The following PIGG variants were observed in gnomAD, a reference collection of about 807,000 sequenced individuals.
The protein encoded by PIGG is phosphatidylinositol glycan anchor biosynthesis class G (EMM blood group).
A neutral mutation model predicts 83.2 loss-of-function variants in PIGG; 70 were observed. That is an observed-to-expected ratio of 0.84 (90% CI 0.69 to 1.03). The LOEUF is 1.03. Ranked by LOEUF, PIGG falls within the 50% of genes least tolerant of loss-of-function variation. The pLI, the probability that PIGG is intolerant of heterozygous loss-of-function variation, is 0.00. For missense variants in PIGG, 1,257 were observed against 1,233.6 expected (o/e 1.02, Z -0.28); for synonymous variants, 532 against 519.5 (o/e 1.02, Z -0.33).
intron 6 of PIGG, among the ~76,000 whole-genome samples, chr4:518,675 G>A (rs951524092): frequency 2.2e-4 from 34 of 152,274 alleles, no homozygotes; most frequent in Non-Finnish European, 2.8e-4. Flanking sequence ...AGTGGCTGGG[G>A]GAAGATGGGA....
At chr4:502,251 G>A (rs1323480591) in intron 2 of PIGG, 2 of 152,168 alleles carry the variant, frequency 1.3e-5, no homozygotes, top group Admixed American at 1.3e-4. Context: ...CCTTTGCTGG[G>A]GAGCCTCACC....
intron 1 of PIGG, chr4:500,130 C>G: frequency 2.3e-6 from 1 of 442,744 alleles, no homozygotes; most frequent in Non-Finnish European, 4.1e-6. Context: ...AGGACCCTTA[C>G]GTAGGGATTC....
At chr4:527,903 T>C in intron 10 of PIGG, 1 of 985,370 alleles carries the variant, frequency 1.0e-6, no homozygotes, top group Non-Finnish European at 1.2e-6. Flanking sequence ...TAAATTTAAA[T>C]AGCTGTTTCC....
Position 527,504 on chromosome 4 carries a change from TTAAAA to T in PIGG, c.2261+280_2261+284del. 6 of 1,222,788 alleles carry T rather than the reference TTAAAA, an allele frequency of 4.9e-6. No individual in the cohort carries two copies. In the South Asian group the frequency reaches 1.4e-4, roughly 29 times the overall value. 75.7% of individuals were successfully genotyped at this position (1,222,788 alleles called of 1,614,324 possible). ...CACTTGGAAGTAAGATTTTTTAAATTTAAAATAAAACCTTCAGGGTGTGTGATGGG... is the reference window on the plus strand; with the variant it reads ...CACTTGGAAGTAAGATTTTTTAAATTTAAAACCTTCAGGGTGTGTGATGGG... On this transcript the variant is annotated intron_variant, in intron 10 of 12. Coordinates refer to ENST00000453061, the MANE Select transcript of PIGG (RefSeq NM_001127178.3).
chr4:508,690 T>C lies in PIGG; in HGVS notation c.760-139T>C, dbSNP rs1025214773. ...GTGACCCTGTGATCTGGCTATGAGC[T>C]CATAGGAAAAAAAAATCTAATTCAT... On this transcript the variant is annotated intron_variant, in intron 4 of 12. Coordinates refer to ENST00000453061, the MANE Select transcript of PIGG (RefSeq NM_001127178.3). 1.1e-5 allele frequency: 8 copies of C among 710,140 alleles called. No individual in the cohort carries two copies. In the East Asian group the frequency reaches 2.0e-4, roughly 18 times the overall value. 44.0% of individuals were successfully genotyped at this position (710,140 alleles called of 1,614,324 possible).
chr4:521,575 G>T, intron 7 of PIGG, 85 bp from the exon 8 acceptor site: 1 of 1,296,702 alleles, frequency 7.7e-7, no homozygotes, highest in South Asian at 1.4e-5. Context: ...GTGGACAGCT[G>T]ACACGAGAGC....
chr4:500,578 A>G lies in PIGG; in HGVS notation c.337A>G (p.Thr113Ala), dbSNP rs782263436. ...HSFVAEAKPP[T>A]VTMPRIKALM... Reference sequence around the variant, plus strand: ...TTTTGTGGCTGAAGCAAAGCCACCTACAGTTACTATGCCTCGAATCAAGGT... The same window carrying G: ...TTTTGTGGCTGAAGCAAAGCCACCTGCAGTTACTATGCCTCGAATCAAGGT... Residue 113 changes from threonine (T) to alanine (A), a missense_variant, in exon 2 of 13, where the codon ACA becomes GCA. Coordinates refer to ENST00000453061, the MANE Select transcript of PIGG (RefSeq NM_001127178.3). The G allele has an allele frequency of 6.2e-6, 10 of 1,609,036 alleles. No individual in the cohort carries two copies. Among genetic ancestry groups the G allele is most frequent in the South Asian group, 4.4e-5 (4 of 90,958 alleles).
Position 539,172 on chromosome 4 carries a change from G to T in PIGG, c.2755G>T (p.Ala919Ser), listed in dbSNP as rs1156493449. 5.0e-6 allele frequency: 8 copies of T among 1,611,790 alleles called. No homozygotes were observed. Among genetic ancestry groups the T allele is most frequent in the Non-Finnish European group, 6.8e-6 (8 of 1,178,304 alleles). ...ETRSGSALSH[A>S]CFCYALICSI... The stretch of plus-strand genomic sequence containing the variant: ...TAACAGTGGTTCAGCACTGAGTCAT[G>T]CTTGCTTCTGCTACGCACTGATTTG... The change falls in exon 13 of 13, where the codon GCT becomes TCT. Residue 919 changes from alanine (A) to serine (S), a missense_variant. By Grantham distance (99) the Ala-to-Ser change is moderately conservative. Coordinates refer to ENST00000453061, the MANE Select transcript of PIGG (RefSeq NM_001127178.3).
At chr4:509,470 A>T (rs1273947983) in intron 5 of PIGG, among the ~76,000 whole-genome samples, 12 of 151,968 alleles carry the variant, frequency 7.9e-5, no homozygotes, top group Non-Finnish European at 1.5e-5. Flanking sequence ...CAGCCTATGC[A>T]CTCTGCCCTC....
intron 10 of PIGG, among the ~76,000 whole-genome samples, chr4:530,197 T>A (rs1198028503): frequency 2.0e-5 from 3 of 151,460 alleles, no homozygotes; most frequent in Admixed American, 6.6e-5. Context: ...AGCGGAAGAG[T>A]CTGCACGAGG....
At chr4:507,749 A>G (rs1720279808) in intron 4 of PIGG, among the ~76,000 whole-genome samples, 156 bp downstream of exon 4, 1 of 152,266 alleles carries the variant, frequency 6.6e-6, no homozygotes, top group Admixed American at 6.5e-5. Flanking sequence ...GCACTGTCTC[A>G]GTGTCCACTG....
rs1203666288 is a variant in PIGG, at chr4:527,057, G to C, written c.2088G>C (p.Glu696Asp). ...HWLTSSDHKA[E>D]LSVLAALSLL... ...ATTTCAGCTCTGACCACAAAGCCGA[G>C]CTCTCTGTCCTGGCTGCCCTCTCCC... Residue 696 changes from glutamate (E) to aspartate (D), a missense_variant, in exon 10 of 13, where the codon GAG becomes GAC. Physicochemically the swap from Glu to Asp is conservative, Grantham distance 45 (BLOSUM62 2). Coordinates refer to ENST00000453061, the MANE Select transcript of PIGG (RefSeq NM_001127178.3). 1.2e-6 allele frequency: 2 copies of C among 1,614,132 alleles called. No homozygotes were observed. The highest frequency in any genetic ancestry group is 2.2e-5 in the East Asian group (1 of 44,870).
chr4:522,540 C>A, intron 8 of PIGG: 1 of 176,696 alleles, frequency 5.7e-6, no homozygotes, highest in Non-Finnish European at 1.2e-5. Context: ...CACTCAGATC[C>A]ACAGAGCCCA....
intron 8 of PIGG, 128 bp downstream of exon 8, chr4:522,069 C>G (rs746361467): frequency 1.0e-5 from 10 of 1,004,308 alleles, no homozygotes; most frequent in Non-Finnish European, 1.4e-5. Context: ...CTGGCAGTGC[C>G]CTGGACAGGG....
intron 5 of PIGG, among the ~76,000 whole-genome samples, chr4:510,388 C>T (rs1230161929): frequency 6.6e-6 from 1 of 152,212 alleles, no homozygotes; most frequent in Non-Finnish European, 1.5e-5. Context: ...AAGCGGTTTT[C>T]CACCCTGGGC....
At position 499,539 on chromosome 4, in the gene PIGG, G is replaced by A. The variant is rs1716773641; in HGVS notation, c.154+50G>A. 8 of 1,520,876 alleles carry A rather than the reference G, an allele frequency of 5.3e-6. No individual in the cohort carries two copies. The East Asian group carries it at 2.0e-4, about 37-fold the overall frequency. 94.2% of individuals were successfully genotyped at this position (1,520,876 alleles called of 1,614,324 possible). A position where few individuals can be genotyped will look rare whatever the true frequency, so the allele number is the denominator to read the frequency against. On this transcript the variant is annotated intron_variant, in intron 1 of 12. Transcript: ENST00000453061. ...CGCTCCCCTGACCCCACATCCCCTA[G>A]AAGACCTTTTTTCTGAGCCTCGCTG...
At position 505,734 on chromosome 4, in the gene PIGG, GC is replaced by G. The variant is rs782671731; in HGVS notation, c.379del (p.Leu127PhefsTer21). ...TGACTGCAGGCATTGATGACGGGGA[GC>G]CTTCCTGGCTTTGTCGACGTCATCA... ...MPRIKALMTG[S>X]LPGFVDVIRN... On this transcript the variant is annotated frameshift_variant, in exon 3 of 13. Transcript: ENST00000453061. LOFTEE classifies it high-confidence loss of function. 1.2e-6 allele frequency: 2 copies of G among 1,613,412 alleles called. No individual in the cohort carries two copies.
At position 505,830 on chromosome 4, in the gene PIGG, T is replaced by C; in HGVS notation, c.473T>C (p.Ile158Thr). The change falls in exon 3 of 13, where the codon ATA becomes ACA. Residue 158 changes from isoleucine to threonine, a missense_variant. Ile to Thr is a moderately conservative substitution (Grantham distance 89). Coordinates refer to ENST00000453061, the MANE Select transcript of PIGG (RefSeq NM_001127178.3). The part of the protein sequence containing the change: ...IRQAKAAGKR[I>T]VFYGDETWVK... ...CAAGCAAAAGCAGCTGGAAAAAGAA[T>C]AGTCTTTTATGGAGATGAAACCTGG... 6.2e-7 allele frequency: 1 copy of C among 1,613,334 alleles called. No individual in the cohort carries two copies. The highest frequency in any genetic ancestry group is 1.1e-5 in the South Asian group (1 of 91,022).
intron 6 of PIGG, among the ~76,000 whole-genome samples, chr4:519,861 G>A (rs1725212498): frequency 1.1e-5 from 1 of 90,864 alleles, no homozygotes; most frequent in Non-Finnish European, 2.2e-5. Context: ...GCAGCAGTGG[G>A]GTGGGCCTGC....
Sources: allele counts gnomAD v4.1 joint callset (sites outside exome capture counted in the v4.1 genomes callset), GRCh38; gene constraint gnomAD v4.1.1; transcripts MANE v1.5; gene names NCBI Gene and HGNC (gene_info 2026-07-23, HGNC 2026-07-21).